The following INPP4B variants were observed in gnomAD, a reference collection of about 807,000 sequenced individuals.
INPP4B encodes inositol polyphosphate-4-phosphatase type II B.
INPP4B carries 55 observed loss-of-function variants against 122.5 expected under a neutral mutation model. The ratio of observed to expected loss-of-function variants is 0.45; its 90% confidence interval spans 0.36 to 0.56. The LOEUF is 0.56. Ranked by LOEUF, INPP4B falls within the 20% of genes least tolerant of loss-of-function variation. INPP4B has a pLI of 0.00. For missense variants in INPP4B, 1,000 were observed against 1,097.7 expected (o/e 0.91, Z 1.26); for synonymous variants, 403 against 388.7 (o/e 1.04, Z -0.43).
At chr4:142,684,129 T>C (rs529992218) in intron 2 of INPP4B, among the ~76,000 whole-genome samples, 2 of 152,066 alleles carry the variant, frequency 1.3e-5, no homozygotes, top group African/African-American at 4.8e-5. Flanking sequence ...CCAATTTGTA[T>C]GCAATAATAA....
At chr4:142,323,776 T>A (rs1771222568) in intron 7 of INPP4B, among the ~76,000 whole-genome samples, 1 of 151,318 alleles carries the variant, frequency 6.6e-6, no homozygotes, top group African/African-American at 2.4e-5. Context: ...GTCAAGCCAC[T>A]GTAAAAGCTC....
intron 2 of INPP4B, among the ~76,000 whole-genome samples, chr4:142,719,885 G>A (rs1423171874): frequency 6.6e-6 from 1 of 152,126 alleles, no homozygotes; most frequent in Non-Finnish European, 1.5e-5. Context: ...TAAGTAAAAA[G>A]GGCACAGATG....
At chr4:142,750,118 C>T (rs1420635323) in intron 1 of INPP4B, among the ~76,000 whole-genome samples, 1 of 151,684 alleles carries the variant, frequency 6.6e-6, no homozygotes, top group African/African-American at 2.4e-5. Flanking sequence ...TCATTAGACA[C>T]AAGATAGATT....
intron 18 of INPP4B, among the ~76,000 whole-genome samples, chr4:142,138,716 A>G (rs1296109600): frequency 6.6e-6 from 1 of 152,086 alleles, no homozygotes; most frequent in Non-Finnish European, 1.5e-5. Context: ...AAACTCCCCT[A>G]CAGGCTTGTT....
intron 1 of INPP4B, among the ~76,000 whole-genome samples, chr4:142,775,068 T>C (rs1773651185): frequency 6.6e-6 from 1 of 152,066 alleles, no homozygotes; most frequent in Non-Finnish European, 1.5e-5. Context: ...GTCTGATGAT[T>C]TTCTTATAAT....
Position 142,168,381 on chromosome 4 carries a change from G to A in INPP4B, c.1359+5251C>T, listed in dbSNP as rs561176170. 1.2e-3 allele frequency among the ~76,000 whole-genome samples: 184 copies of A among 151,490 alleles called. 2 individuals are homozygous for A. The South Asian group carries it at 0.021, about 17-fold the overall frequency. ...TTAGTATGTGCTTGTTGGATGGCAGGCATTTTGACTTTACATTCTTGGCTG... is the reference window on the plus strand; with the variant it reads ...TTAGTATGTGCTTGTTGGATGGCAGACATTTTGACTTTACATTCTTGGCTG... On this transcript the variant is annotated intron_variant, in intron 16 of 25. Coordinates refer to ENST00000262992, the MANE Select transcript of INPP4B (RefSeq NM_001101669.3).
intron 2 of INPP4B, among the ~76,000 whole-genome samples, chr4:142,707,327 T>A (rs1254571278): frequency 1.3e-5 from 2 of 152,254 alleles, no homozygotes; most frequent in Non-Finnish European, 2.9e-5. Context: ...TGCTCCCACC[T>A]TTTTTCCTAA....
intron 1 of INPP4B, among the ~76,000 whole-genome samples, chr4:142,759,276 AGATC>A (rs1368098777): frequency 1.3e-5 from 2 of 152,198 alleles, no homozygotes; most frequent in Non-Finnish European, 2.9e-5. Flanking sequence ...TTTGTATTCA[AGATC>A]AATGATCTGT....
intron 1 of INPP4B, among the ~76,000 whole-genome samples, chr4:142,763,129 A>G (rs560139478): frequency 6.6e-6 from 1 of 152,308 alleles, no homozygotes; most frequent in African/African-American, 2.4e-5. Context: ...TGAATGGACT[A>G]CAATTGTCAT....
At chr4:142,831,723 C>G (rs1782161278) in intron 1 of INPP4B, among the ~76,000 whole-genome samples, 1 of 152,200 alleles carries the variant, frequency 6.6e-6, no homozygotes, top group South Asian at 2.1e-4. Flanking sequence ...AACTTCACCT[C>G]ACACATCAGC....
intron 25 of INPP4B, among the ~76,000 whole-genome samples, chr4:142,079,730 G>T (rs1772853400): frequency 6.6e-6 from 1 of 151,918 alleles, no homozygotes; most frequent in Non-Finnish European, 1.5e-5. Context: ...CACAGCATTT[G>T]CAAACACTTG....
intron 5 of INPP4B, chr4:142,423,773 C>T (rs1807440402): frequency 2.3e-6 from 1 of 427,324 alleles, no homozygotes; most frequent in Admixed American, 2.9e-5. Flanking sequence ...AAAAAACAGA[C>T]CTTCTACAAG....
At chr4:142,694,162 C>T (rs191561491) in intron 2 of INPP4B, among the ~76,000 whole-genome samples, 252 of 152,124 alleles carry the variant, frequency 1.7e-3, no homozygotes, top group African/African-American at 5.6e-3. Context: ...CGCTTGAGGT[C>T]GGGAGTTCCA....
At chr4:142,552,720 T>C (rs955499887) in intron 2 of INPP4B, among the ~76,000 whole-genome samples, 6 of 152,194 alleles carry the variant, frequency 3.9e-5, no homozygotes, top group African/African-American at 1.2e-4. Flanking sequence ...CTGCTGTAAG[T>C]ATTTTATTAC....
At chr4:142,146,297 A>T (rs757452966) in intron 17 of INPP4B, among the ~76,000 whole-genome samples, 1 of 152,178 alleles carries the variant, frequency 6.6e-6, no homozygotes, top group Non-Finnish European at 1.5e-5. Context: ...GATATTTTAA[A>T]TTGAAGGCAT....
chr4:142,178,058 A>C (rs2152966083), intron 15 of INPP4B, among the ~76,000 whole-genome samples: 1 of 152,266 alleles, frequency 6.6e-6, no homozygotes, highest in African/African-American at 2.4e-5. Context: ...TCCAATGAAA[A>C]CAAAAGCTCT....
intron 18 of INPP4B, among the ~76,000 whole-genome samples, chr4:142,144,105 T>A (rs1221166762): frequency 6.6e-6 from 1 of 151,936 alleles, no homozygotes; most frequent in African/African-American, 2.4e-5. Flanking sequence ...GTACACAATG[T>A]CTCATATTCA....
intron 2 of INPP4B, among the ~76,000 whole-genome samples, chr4:142,702,852 A>T (rs1162136343): frequency 6.6e-6 from 1 of 152,022 alleles, no homozygotes; most frequent in Non-Finnish European, 1.5e-5. Context: ...GCATAGCATT[A>T]GTGATTTTGC....
Position 142,530,578 on chromosome 4 carries a change from T to TATATAC in INPP4B, c.-190-67853_-190-67852insGTATAT, listed in dbSNP as rs1491512256. Among the ~76,000 whole-genome samples, 33 of 109,620 alleles carry TATATAC rather than the reference T, an allele frequency of 3.0e-4. No homozygotes were observed. The East Asian group carries it at 1.0e-2, about 33-fold the overall frequency. 71.9% of individuals were successfully genotyped at this position (109,620 alleles called of 152,430 possible). A position where few individuals can be genotyped will look rare whatever the true frequency, so the allele number is the denominator to read the frequency against. The stretch of plus-strand genomic sequence containing the variant: ...ATATATATATATATATATATATATA[T>TATATAC]ACACACACACACAGACGCACATACA... On this transcript the variant is annotated intron_variant, in intron 2 of 25. Coordinates refer to ENST00000262992, the MANE Select transcript of INPP4B (RefSeq NM_001101669.3).
Sources: gnomAD v4.1 joint callset for allele counts (sites outside exome capture counted in the v4.1 genomes callset) on GRCh38, gnomAD v4.1.1 for gene constraint, MANE v1.5 for transcripts, NCBI Gene and HGNC (gene_info 2026-07-23, HGNC 2026-07-21) for gene names.